Variants in SIAH3 observed in about 807,000 individuals in gnomAD.
SIAH3 encodes siah E3 ubiquitin protein ligase family member 3.
A neutral mutation model predicts 12.6 loss-of-function variants in SIAH3; 9 were observed. The ratio of observed to expected loss-of-function variants is 0.72; its 90% CI spans 0.43 to 1.25. The LOEUF is 1.25. SIAH3 is among the 50% of genes most tolerant of loss of function. The pLI is 0.00. For synonymous variants in SIAH3, 154 were observed against 151.1 expected, an observed-to-expected ratio of 1.02 and a Z score of -0.14; for missense variants, 390 against 365.4, an observed-to-expected ratio of 1.07 and a Z score of -0.55.
At chr13:45,851,225 ACT>A (rs1950780392) in intron 1 of SIAH3, among the ~76,000 whole-genome samples, 1 of 151,648 alleles carries the variant, frequency 6.6e-6, no homozygotes, top group African/African-American at 2.4e-5. Flanking sequence ...CCCCCACGCC[ACT>A]CTCAGGTTGA....
At chr13:45,824,278 T>C (rs1338075380) in intron 1 of SIAH3, among the ~76,000 whole-genome samples, 1 of 152,218 alleles carries the variant, frequency 6.6e-6, no homozygotes. Flanking sequence ...CAACGCCACA[T>C]CGAATTCTCT....
chr13:45,836,574 A>G (rs1399327824), intron 1 of SIAH3, among the ~76,000 whole-genome samples: 2 of 152,176 alleles, frequency 1.3e-5, no homozygotes, highest in African/African-American at 2.4e-5. Context: ...TATTGAGGAG[A>G]ACACATGGAC....
At chr13:45,784,203 A>C in intron 1 of SIAH3, 146 bp from the exon 2 acceptor site, 2 of 805,376 alleles carry the variant, frequency 2.5e-6, no homozygotes, top group Non-Finnish European at 3.9e-6. Context: ...AAACAAACAA[A>C]CAAACAAACA....
chr13:45,800,782 CT>C lies in SIAH3; in HGVS notation c.136-16726del, dbSNP rs1306733854. On this transcript the variant is annotated intron_variant, in intron 1 of 1. Coordinates refer to ENST00000400405, the MANE Select transcript of SIAH3 (RefSeq NM_198849.3). ...ATGAATAATTGTTGACCCATGCTACCTATTAGAGATTGTGCTTGGGTCACCT... is the reference window on the plus strand; with the variant it reads ...ATGAATAATTGTTGACCCATGCTACCATTAGAGATTGTGCTTGGGTCACCT... 5.3e-5 allele frequency among the ~76,000 whole-genome samples: 8 copies of C among 152,318 alleles called. No homozygotes were observed. In the East Asian group the frequency reaches 1.5e-3, roughly 29 times the overall value.
At chr13:45,826,471 G>GAGTGGGTGGGTT (rs1950677442) in intron 1 of SIAH3, among the ~76,000 whole-genome samples, 1 of 136,798 alleles carries the variant, frequency 7.3e-6, no homozygotes, top group African/African-American at 2.6e-5. Flanking sequence ...ATGGATGGAT[G>GAGTGGGTGGGTT]GATGGATGGA....
intron 1 of SIAH3, among the ~76,000 whole-genome samples, chr13:45,825,189 G>T (rs1048166023): frequency 6.6e-6 from 1 of 152,126 alleles, no homozygotes; most frequent in African/African-American, 2.4e-5. Flanking sequence ...CGCATTAATA[G>T]GTCTCTTCAG....
chr13:45,797,105 G>A (rs1950565458), intron 1 of SIAH3, among the ~76,000 whole-genome samples: 1 of 150,746 alleles, frequency 6.6e-6, no homozygotes, highest in Non-Finnish European at 1.5e-5. Flanking sequence ...AAGATAATTA[G>A]CCTAATCTAC....
At chr13:45,840,811 G>A (rs561766982) in intron 1 of SIAH3, among the ~76,000 whole-genome samples, 66 of 152,310 alleles carry the variant, frequency 4.3e-4, no homozygotes, top group African/African-American at 1.4e-3. Flanking sequence ...AAGTAACTGA[G>A]GGATGACATA....
At chr13:45,816,263 ACTGCAGAGAATGGTGCC>A (rs199929923) in intron 1 of SIAH3, among the ~76,000 whole-genome samples, 3 of 152,202 alleles carry the variant, frequency 2.0e-5, no homozygotes, top group Non-Finnish European at 2.9e-5. Flanking sequence ...ATTCACAAGG[ACTGCAGAGAATGGTGCC>A]CTGCAGAGAA....
At position 45,809,220 on chromosome 13, in the gene SIAH3, G is replaced by A. The variant is rs114475087; in HGVS notation, c.136-25163C>T. ...AAGGTGGGGAGAATGCGTGTGTTGG[G>A]GGCTCCGCAGAACTGAGACCTTTAA... On this transcript the variant is annotated intron_variant, in intron 1 of 1. Transcript: ENST00000400405. 6.5e-3 allele frequency among the ~76,000 whole-genome samples: 984 copies of A among 152,294 alleles called. 16 individuals are homozygous for A. The highest frequency in any genetic ancestry group is 0.023 in the African/African-American group (942 of 41,544).
At chr13:45,849,285 T>C (rs1379160779) in intron 1 of SIAH3, among the ~76,000 whole-genome samples, 1 of 152,166 alleles carries the variant, frequency 6.6e-6, no homozygotes, top group African/African-American at 2.4e-5. Flanking sequence ...GTGTGCGAAA[T>C]GAAAAGCCAA....
At position 45,783,096 on chromosome 13, in the gene SIAH3, A is replaced by G. The variant is rs1950511183; in HGVS notation, c.*287T>C. The G allele has an allele frequency of 5.0e-6, 1 of 201,718 alleles. No homozygotes were observed. The allele number at this position is 201,718 out of a possible 1,614,324, so 12.5% of individuals were successfully genotyped here. On this transcript the variant is annotated 3_prime_UTR_variant, in exon 2 of 2. Coordinates refer to ENST00000400405, the MANE Select transcript of SIAH3 (RefSeq NM_198849.3). ...AGAAAGGACTTGGAGGTGACAGGAA[A>G]AAACTATTCTGAATAAATCTTACAA...
At chr13:45,846,676 T>C (rs1950761361) in intron 1 of SIAH3, among the ~76,000 whole-genome samples, 1 of 152,238 alleles carries the variant, frequency 6.6e-6, no homozygotes, top group Non-Finnish European at 1.5e-5. Flanking sequence ...ATCTATTTTC[T>C]AATTTTCCCA....
At chr13:45,838,339 A>G (rs577593560) in intron 1 of SIAH3, among the ~76,000 whole-genome samples, 5 of 152,180 alleles carry the variant, frequency 3.3e-5, no homozygotes, top group Non-Finnish European at 7.4e-5. Flanking sequence ...CTTGGAGAGC[A>G]GCGCGTTTCT....
rs1950499456 is a variant in SIAH3, at chr13:45,780,385, T to C, written c.*2998A>G. 6.6e-6 allele frequency: 1 copy of C among 152,142 alleles called. No individual in the cohort carries two copies. The highest frequency in any genetic ancestry group is 2.1e-4 in the South Asian group (1 of 4,826). The allele number at this position is 152,142 out of a possible 1,614,324, so 9.4% of individuals were successfully genotyped here. On this transcript the variant is annotated 3_prime_UTR_variant, in exon 2 of 2. Transcript: ENST00000400405. Reference sequence around the variant, plus strand: ...CTCCTGGGCTCAAGCCATCCCCCTGTCTTGGCCTCCGAGTAGTTAAGACTA... The same window carrying C: ...CTCCTGGGCTCAAGCCATCCCCCTGCCTTGGCCTCCGAGTAGTTAAGACTA...
intron 1 of SIAH3, among the ~76,000 whole-genome samples, chr13:45,837,080 C>A (rs904002336): frequency 1.3e-5 from 2 of 152,160 alleles, no homozygotes; most frequent in Admixed American, 6.5e-5. Context: ...CCTAGGGACA[C>A]CATAACAGTG....
chr13:45,844,064 G>A (rs958431894), intron 1 of SIAH3, among the ~76,000 whole-genome samples: 8 of 152,216 alleles, frequency 5.3e-5, no homozygotes, highest in South Asian at 4.1e-4. Context: ...CACCATGTTA[G>A]TTGTATCATG....
At chr13:45,832,331 C>T (rs1950702272) in intron 1 of SIAH3, among the ~76,000 whole-genome samples, 2 of 152,328 alleles carry the variant, frequency 1.3e-5, no homozygotes, top group South Asian at 4.1e-4. Context: ...GACACTGTGG[C>T]CGTGAAGCAG....
chr13:45,805,360 G>A (rs987890884), intron 1 of SIAH3, among the ~76,000 whole-genome samples: 1 of 152,218 alleles, frequency 6.6e-6, no homozygotes, highest in East Asian at 1.9e-4. Flanking sequence ...AAAACAGCAC[G>A]ATACTGGTAT....
Sources: allele counts gnomAD v4.1 joint callset (sites outside exome capture counted in the v4.1 genomes callset), GRCh38; gene constraint gnomAD v4.1.1; transcripts MANE v1.5; gene names NCBI Gene and HGNC (gene_info 2026-07-23, HGNC 2026-07-21).